The following ZNF277 variants were observed in gnomAD, a reference collection of about 807,000 sequenced individuals.
ZNF277 encodes the protein nuclear receptor-interacting factor 4.
ZNF277 carries 55 observed loss-of-function variants against 60.7 expected under a neutral mutation model. The observed-to-expected ratio is 0.91, with a 90% CI of 0.73 to 1.13. The LOEUF is 1.13. ZNF277 is among the 50% of genes most tolerant of loss of function. The pLI, the probability that ZNF277 is intolerant of heterozygous loss-of-function variation, is 0.00. For missense variants in ZNF277, 510 were observed against 523.0 expected (o/e 0.98, Z 0.24); for synonymous variants, 178 against 179.3 (o/e 0.99, Z 0.06).
intron 7 of ZNF277, among the ~76,000 whole-genome samples, chr7:112,331,915 T>C (rs548837607): frequency 6.6e-5 from 10 of 152,356 alleles, no homozygotes; most frequent in East Asian, 5.8e-4. Context: ...GAACATTATA[T>C]AGCTGGAGGT....
At position 112,336,089 on chromosome 7, in the gene ZNF277, G is replaced by C; in HGVS notation, c.802-15G>C. On this transcript the variant is annotated splice_polypyrimidine_tract_variant and intron_variant, in intron 7 of 11. Coordinates refer to ENST00000361822, the MANE Select transcript of ZNF277 (RefSeq NM_021994.3). ...TTCCCCCAATGTCTCTCATCCCTCT[G>C]TTCTTCCTACAAAGGAACTTGGAAA... 6.2e-7 allele frequency: 1 copy of C among 1,608,370 alleles called. No homozygotes were observed. The highest frequency in any genetic ancestry group is 8.5e-7 in the Non-Finnish European group (1 of 1,176,720).
intron 1 of ZNF277, among the ~76,000 whole-genome samples, chr7:112,266,734 A>C (rs1791560497): frequency 6.6e-6 from 1 of 152,166 alleles, no homozygotes; most frequent in Non-Finnish European, 1.5e-5. Flanking sequence ...TGTACTACTA[A>C]AAGAATTGCT....
intron 4 of ZNF277, among the ~76,000 whole-genome samples, chr7:112,303,336 ATAT>A (rs1444526421): frequency 6.6e-6 from 1 of 152,104 alleles, no homozygotes; most frequent in African/African-American, 2.4e-5. Context: ...ATAAATAATA[ATAT>A]TCTGTTTTCA....
chr7:112,248,464 T>C (rs189266212), intron 1 of ZNF277, among the ~76,000 whole-genome samples: 9 of 151,912 alleles, frequency 5.9e-5, no homozygotes, highest in African/African-American at 9.7e-5. Flanking sequence ...ACAACTAAAA[T>C]AGAGATTTAA....
chr7:112,207,276 G>A (rs539819958), intron 1 of ZNF277, among the ~76,000 whole-genome samples: 18 of 152,188 alleles, frequency 1.2e-4, no homozygotes, highest in Non-Finnish European at 2.5e-4. Context: ...TCGCAGACTG[G>A]TGGTCACTGC....
chr7:112,236,066 G>T (rs1379187291), intron 1 of ZNF277, among the ~76,000 whole-genome samples: 1 of 151,970 alleles, frequency 6.6e-6, no homozygotes, highest in Non-Finnish European at 1.5e-5. Context: ...TTTACATCTG[G>T]ACTCTGAATT....
chr7:112,291,542 T>C (rs1052087397), intron 2 of ZNF277, among the ~76,000 whole-genome samples: 4 of 152,174 alleles, frequency 2.6e-5, no homozygotes, highest in African/African-American at 9.7e-5. Flanking sequence ...AATTGTAGCT[T>C]TCAGTAAACT....
At chr7:112,293,013 C>G (rs1426662598) in intron 2 of ZNF277, among the ~76,000 whole-genome samples, 4 of 152,142 alleles carry the variant, frequency 2.6e-5, no homozygotes, top group Non-Finnish European at 4.4e-5. Flanking sequence ...GAATTTTGGA[C>G]AGCGTGCTTT....
chr7:112,286,921 G>A lies in ZNF277; in HGVS notation c.140G>A (p.Gly47Asp), dbSNP rs1453522348. 6.3e-7 allele frequency: 1 copy of A among 1,586,176 alleles called. No individual in the cohort carries two copies. Among genetic ancestry groups the A allele is most frequent in the Non-Finnish European group, 8.6e-7 (1 of 1,168,736 alleles). The change falls in exon 2 of 12, where the codon GGT (glycine) becomes GAT (aspartate). Residue 47 changes from glycine (G) to aspartate (D), a missense_variant. Coordinates refer to ENST00000361822, the MANE Select transcript of ZNF277 (RefSeq NM_021994.3). Reference sequence around the variant, plus strand: ...CCGCTTTCCCTGCCAGAAAGTCCAGGTGGCACCACCACTTTAGAAGGTTCT... The same window carrying A: ...CCGCTTTCCCTGCCAGAAAGTCCAGATGGCACCACCACTTTAGAAGGTTCT... ...LEPLSLPESP[G>D]GTTTLEGSPS... is the part of the protein sequence containing the mutation.
chr7:112,336,860 A>G (rs1303341898), intron 8 of ZNF277, among the ~76,000 whole-genome samples: 2 of 152,212 alleles, frequency 1.3e-5, no homozygotes, highest in African/African-American at 4.8e-5. Context: ...ATATTTAATC[A>G]GTGAATGTTA....
chr7:112,208,315 T>TCAAC, intron 1 of ZNF277, among the ~76,000 whole-genome samples: 1 of 151,848 alleles, frequency 6.6e-6, no homozygotes, highest in African/African-American at 2.4e-5. Context: ...GCGGAGGTTG[T>TCAAC]GGTGAGCCAT....
At chr7:112,216,390 A>G (rs1406464983) in intron 1 of ZNF277, among the ~76,000 whole-genome samples, 2 of 152,094 alleles carry the variant, frequency 1.3e-5, no homozygotes, top group Non-Finnish European at 2.9e-5. Context: ...GCTCACTGCA[A>G]CCTCTGCTTC....
chr7:112,228,908 G>A (rs999399277), intron 1 of ZNF277, among the ~76,000 whole-genome samples: 21 of 152,034 alleles, frequency 1.4e-4, no homozygotes, highest in African/African-American at 4.1e-4. Flanking sequence ...CTGTTTTCTC[G>A]CAACTAAAAT....
At chr7:112,258,455 A>G (rs1262283984) in intron 1 of ZNF277, among the ~76,000 whole-genome samples, 1 of 151,994 alleles carries the variant, frequency 6.6e-6, no homozygotes, top group Admixed American at 6.6e-5. Flanking sequence ...ATTTGGACGT[A>G]CTTACGCCAA....
At chr7:112,317,637 TAAG>T (rs1374685406) in intron 4 of ZNF277, among the ~76,000 whole-genome samples, 1 of 152,092 alleles carries the variant, frequency 6.6e-6, no homozygotes, top group Non-Finnish European at 1.5e-5. Flanking sequence ...ATGAAAATAT[TAAG>T]AAAAATTCTA....
chr7:112,298,794 G>C (rs999156702), intron 4 of ZNF277, among the ~76,000 whole-genome samples: 14 of 152,178 alleles, frequency 9.2e-5, no homozygotes, highest in African/African-American at 3.4e-4. Flanking sequence ...GTAAAATGTG[G>C]CCTAGGAAGC....
chr7:112,255,890 C>T (rs1167215151), intron 1 of ZNF277, among the ~76,000 whole-genome samples: 1 of 152,150 alleles, frequency 6.6e-6, no homozygotes, highest in Non-Finnish European at 1.5e-5. Flanking sequence ...TGTACTTGCC[C>T]CTATGTCTTG....
intron 1 of ZNF277, among the ~76,000 whole-genome samples, chr7:112,213,580 T>C (rs1821809219): frequency 6.6e-6 from 1 of 152,194 alleles, no homozygotes; most frequent in African/African-American, 2.4e-5. Flanking sequence ...TTCATCTTCA[T>C]AGCAACCCCT....
intron 8 of ZNF277, 51 bp from the exon 9 acceptor site, chr7:112,337,679 C>G: frequency 6.6e-7 from 1 of 1,517,338 alleles, no homozygotes; most frequent in South Asian, 1.1e-5. Flanking sequence ...GTGTAGTATA[C>G]TCTCTTAATG....
Sources: gnomAD v4.1 joint callset for allele counts (sites outside exome capture counted in the v4.1 genomes callset) on GRCh38, gnomAD v4.1.1 for gene constraint, MANE v1.5 for transcripts, NCBI Gene and HGNC (gene_info 2026-07-23, HGNC 2026-07-21) for gene names.